The following CLDN6 variants were observed in gnomAD, a reference collection of about 807,000 sequenced individuals.
CLDN6 encodes the protein claudin 6, also known as claudin-6.
For missense variants in CLDN6, 279 were observed against 284.1 expected (o/e 0.98, Z 0.13); for synonymous variants, 144 against 131.2 (o/e 1.10, Z -0.67).
chr16:3,017,901 T>G (rs111866375), intron 1 of CLDN6, among the ~76,000 whole-genome samples: 12 of 118,252 alleles, frequency 1.0e-4, no homozygotes, highest in South Asian at 2.9e-4. Flanking sequence ...GCAAGGCAGG[T>G]GGGGGAGGGG....
In CLDN6 at chr16:3,015,887, C is replaced by A. The variant is rs2072563814; in HGVS notation, c.135G>T (p.Val45=). 6.2e-7 allele frequency: 1 copy of A among 1,614,260 alleles called. No individual in the cohort carries two copies. Among genetic ancestry groups the A allele is most frequent in the Non-Finnish European group, 8.5e-7 (1 of 1,180,050 alleles). The part of the protein sequence containing the change: ...FIGNSIVVAQ[V]VWEGLWMSCV... Reference sequence around the variant, plus strand: ...AGGACATCCACAGGCCCTCCCACACCACCTGGGCCACCACGATGCTGTTGC... The same window carrying A: ...AGGACATCCACAGGCCCTCCCACACAACCTGGGCCACCACGATGCTGTTGC... The change falls in exon 2 of 2, where the codon GTG becomes GTT. Residue 45 remains valine (V), a synonymous_variant. Coordinates refer to ENST00000328796, the MANE Select transcript of CLDN6 (RefSeq NM_021195.5).
intron 1 of CLDN6, among the ~76,000 whole-genome samples, chr16:3,016,581 AGCGATTCTCCT>A (rs1302295383): frequency 6.6e-6 from 1 of 151,566 alleles, no homozygotes; most frequent in Non-Finnish European, 1.5e-5. Context: ...CCCAGGTTCA[AGCGATTCTCCT>A]GCCTCAGCCT....
At chr16:3,017,050 T>C (rs896411929) in intron 1 of CLDN6, among the ~76,000 whole-genome samples, 1 of 152,056 alleles carries the variant, frequency 6.6e-6, no homozygotes, top group East Asian at 1.9e-4. Flanking sequence ...CCTCCCAAAG[T>C]GCTGGGATTA....
In CLDN6 at chr16:3,015,944, G is replaced by A. The variant is rs754199137; in HGVS notation, c.78C>T (p.Ala26=). The change falls in exon 2 of 2, where the codon GCC becomes GCT. Residue 26 remains alanine (A), a synonymous_variant. Coordinates refer to ENST00000328796, the MANE Select transcript of CLDN6 (RefSeq NM_021195.5). ...AAGCGGTCACCTTCCACATGGGCAG[G>A]GCACAGGAGACCAGGCCATTCACCC... ...LGWVNGLVSC[A]LPMWKVTAFI... is the part of the protein sequence containing the mutation. 10 of 1,614,114 alleles carry A rather than the reference G, an allele frequency of 6.2e-6. No individual in the cohort carries two copies. Among genetic ancestry groups the A allele is most frequent in the Non-Finnish European group, 8.5e-6 (10 of 1,180,056 alleles).
At position 3,015,332 on chromosome 16, in the gene CLDN6, C is replaced by T; in HGVS notation, c.*27G>A. ...CTGCCACTTCTGGATGGCTCTAGCG[C>T]CAGCGGAGCCCCCATTCCCCTCCAC... On this transcript the variant is annotated 3_prime_UTR_variant, in exon 2 of 2. Coordinates refer to ENST00000328796, the MANE Select transcript of CLDN6 (RefSeq NM_021195.5). 1 of 1,515,400 alleles carries T rather than the reference C, an allele frequency of 6.6e-7. No individual in the cohort carries two copies. Among genetic ancestry groups the T allele is most frequent in the Non-Finnish European group, 8.8e-7 (1 of 1,133,530 alleles). 93.9% of individuals were successfully genotyped at this position (1,515,400 alleles called of 1,614,324 possible).
In CLDN6 at chr16:3,015,457, C is replaced by T. The variant is rs1260278066; in HGVS notation, c.565G>A (p.Gly189Arg). 6.3e-7 allele frequency: 1 copy of T among 1,584,304 alleles called. No homozygotes were observed. Among genetic ancestry groups the T allele is most frequent in the South Asian group, 1.1e-5 (1 of 87,148 alleles). ...ATGTAATGGCTGGGGCCCTGGGACC[C>T]CCCCGAGGGGCAAGTGCAGCACAGC... Reference protein sequence around the residue: ...GLLCCTCPSGGSQGPSHYMAR... With the variant: ...GLLCCTCPSGRSQGPSHYMAR... The change falls in exon 2 of 2, where the codon GGG (glycine) becomes AGG (arginine). Residue 189 changes from glycine to arginine, a missense_variant. Transcript: ENST00000328796.
At chr16:3,016,785 C>T (rs1163510967) in intron 1 of CLDN6, among the ~76,000 whole-genome samples, 1 of 149,680 alleles carries the variant, frequency 6.7e-6, no homozygotes, top group East Asian at 2.0e-4. Context: ...GTAGCTGGGA[C>T]TACAGGCGCT....
rs1279802347 is a variant in CLDN6, at chr16:3,015,509, T to C, written c.513A>G (p.Ser171=). 1.6e-5 allele frequency: 26 copies of C among 1,611,836 alleles called. No individual in the cohort carries two copies. Among genetic ancestry groups the C allele is most frequent in the Non-Finnish European group, 2.2e-5 (26 of 1,179,290 alleles). The part of the protein sequence containing the change: ...GASLYLGWAA[S]GLLLLGGGLL... ...ACCCCCCACCCAGCAACAAAAGGCC[T>C]GAGGCCGCCCAGCCCAAGTAGAGGG... The change falls in exon 2 of 2, where the codon TCA becomes TCG. Residue 171 remains serine, a synonymous_variant. Transcript: ENST00000328796.
intron 1 of CLDN6, among the ~76,000 whole-genome samples, chr16:3,017,491 T>C (rs8049132): frequency 1.2e-4 from 19 of 152,204 alleles, no homozygotes; most frequent in South Asian, 6.2e-4. Flanking sequence ...CAGAGTACTT[T>C]CATTGTACGG....
At chr16:3,017,182 A>T (rs1213634515) in intron 1 of CLDN6, among the ~76,000 whole-genome samples, 1 of 152,096 alleles carries the variant, frequency 6.6e-6, no homozygotes, top group East Asian at 1.9e-4. Context: ...AGGCTGGCAG[A>T]CACCAGGACC....
chr16:3,016,511 C>T (rs934789863), intron 1 of CLDN6, among the ~76,000 whole-genome samples: 3 of 152,324 alleles, frequency 2.0e-5, no homozygotes, highest in East Asian at 1.9e-4. Context: ...CGAGGAGTCT[C>T]GCTCTGTGGC....
Position 3,014,753 on chromosome 16 carries a change from T to G in CLDN6, c.*606A>C. On this transcript the variant is annotated 3_prime_UTR_variant, in exon 2 of 2. Coordinates refer to ENST00000328796, the MANE Select transcript of CLDN6 (RefSeq NM_021195.5). Reference sequence around the variant, plus strand: ...GCTTTATTTGATAAAAATGTGAGTGTAAAGGGGGTGAGACGAGGGGGGCAG... The same window carrying G: ...GCTTTATTTGATAAAAATGTGAGTGGAAAGGGGGTGAGACGAGGGGGGCAG... 1 of 166,342 alleles carries G rather than the reference T, an allele frequency of 6.0e-6. No individual in the cohort carries two copies. The highest frequency in any genetic ancestry group is 1.1e-5 in the Non-Finnish European group (1 of 87,486). The allele number at this position is 166,342 out of a possible 1,614,324, so 10.3% of individuals were successfully genotyped here.
intron 1 of CLDN6, 35 bp from the exon 2 acceptor site, chr16:3,016,077 C>A: frequency 6.4e-7 from 1 of 1,561,884 alleles, no homozygotes; most frequent in Non-Finnish European, 8.7e-7. Context: ...AAGGTGAGGC[C>A]TGGCAGGCCC....
At chr16:3,016,857 C>A (rs544738393) in intron 1 of CLDN6, among the ~76,000 whole-genome samples, 19 of 152,158 alleles carry the variant, frequency 1.2e-4, no homozygotes, top group Middle Eastern at 3.4e-3. Flanking sequence ...ACTGTGTTAG[C>A]CAGGATGGTC....
chr16:3,016,001 C>G lies in CLDN6; in HGVS notation c.21G>C (p.Gln7His), dbSNP rs957586364. 2 of 1,613,782 alleles carry G rather than the reference C, an allele frequency of 1.2e-6. No homozygotes were observed. The highest frequency in any genetic ancestry group is 1.7e-6 in the Non-Finnish European group (2 of 1,179,758). ...GCAGTGTCAGGACGACTCCCAGGAT[C>G]TGCATTCCGGCAGAGGCCATGGCGA... MASAGM[Q>H]ILGVVLTLLG... Residue 7 changes from glutamine to histidine, a missense_variant, in exon 2 of 2, where the codon CAG (glutamine) becomes CAC (histidine). By Grantham distance (24) the Gln-to-His change is conservative. Transcript: ENST00000328796.
chr16:3,016,741 C>T (rs5026503), intron 1 of CLDN6, among the ~76,000 whole-genome samples: 2 of 149,156 alleles, frequency 1.3e-5, no homozygotes, highest in African/African-American at 4.9e-5. Context: ...TCTGCCTCCC[C>T]GGTTCACGCC....
At position 3,015,676 on chromosome 16, in the gene CLDN6, G is replaced by A. The variant is rs144998673; in HGVS notation, c.346C>T (p.Arg116Cys). ...TCVEEKDSKA[R>C]LVLTSGIVFV... is the part of the protein sequence containing the mutation. ...ACAATCCCAGAGGTGAGCACCAGGC[G>A]GGCCTTGGAATCCTTCTCCTCCACA... Residue 116 changes from arginine to cysteine, a missense_variant, in exon 2 of 2, where the codon CGC (arginine) becomes TGC (cysteine). Arg to Cys is a radical substitution (Grantham distance 180, BLOSUM62 -3). Coordinates refer to ENST00000328796, the MANE Select transcript of CLDN6 (RefSeq NM_021195.5). The A allele has an allele frequency of 1.1e-4, 174 of 1,613,498 alleles. No homozygotes were observed. Among genetic ancestry groups the A allele is most frequent in the Non-Finnish European group, 1.4e-4 (166 of 1,180,052 alleles).
chr16:3,014,726 A>T lies in CLDN6; in HGVS notation c.*633T>A. ...GCAACACCAAATGCACTAACAAAAC[A>T]TGCTTTATTTGATAAAAATGTGAGT... On this transcript the variant is annotated 3_prime_UTR_variant, in exon 2 of 2. Transcript: ENST00000328796. 6.3e-6 allele frequency: 1 copy of T among 159,548 alleles called. No individual in the cohort carries two copies. 9.9% of individuals were successfully genotyped at this position (159,548 alleles called of 1,614,324 possible).
intron 1 of CLDN6, among the ~76,000 whole-genome samples, chr16:3,017,406 C>T (rs1259432548): frequency 1.3e-5 from 2 of 152,268 alleles, no homozygotes; most frequent in African/African-American, 4.8e-5. Flanking sequence ...CTGGCCTGCA[C>T]CTGTGTCCCC....
Sources: allele counts gnomAD v4.1 joint callset (sites outside exome capture counted in the v4.1 genomes callset), GRCh38; gene constraint gnomAD v4.1.1; transcripts MANE v1.5; gene names NCBI Gene and HGNC (gene_info 2026-07-23, HGNC 2026-07-21).